The following SUMF1 variants were observed in gnomAD, a reference collection of about 807,000 sequenced individuals.
The protein encoded by SUMF1 is sulfatase modifying factor 1, also known as formylglycine-generating enzyme.
Under a neutral mutation model 47.6 loss-of-function variants are expected in SUMF1, and 48 were observed. The observed-to-expected ratio is 1.01, with a 90% CI of 0.80 to 1.28. SUMF1 has a LOEUF of 1.28. Among genes scored for constraint, SUMF1 ranks in the 50% most tolerant of loss-of-function variants. The pLI, the probability that SUMF1 is intolerant of heterozygous loss-of-function variation, is 0.00. For synonymous variants in SUMF1, 230 were observed against 192.1 expected (o/e 1.20, Z -1.63); for missense variants, 571 against 485.4 (o/e 1.18, Z -1.66).
At chr3:4,359,894 G>A (rs187382681), downstream of SUMF1, among the ~76,000 whole-genome samples, 36 of 152,152 alleles carry the variant, frequency 2.4e-4, no homozygotes, top group East Asian at 5.2e-3. Flanking sequence ...CTCTCGCCTC[G>A]ACTTCCCAAA....
chr3:4,105,405 G>A (rs1025393446), intron 8 of SUMF1, among the ~76,000 whole-genome samples: 3 of 152,074 alleles, frequency 2.0e-5, no homozygotes, highest in Non-Finnish European at 4.4e-5. Context: ...TTTCTGCAGT[G>A]AGCCTGACTA....
rs1702832870 is a variant in SUMF1 at position 4,447,819 on chromosome 3, C to T, written c.519+1447G>A. ...ACAAGCACACACACTTTACTATGTA[C>T]TCAACAGGCACCTTCACAGCCTAGC... is the stretch of plus-strand genomic sequence containing the variant. On this transcript the variant is annotated intron_variant, in intron 3 of 8. Coordinates refer to ENST00000272902, the MANE Select transcript of SUMF1 (RefSeq NM_182760.4). 2.0e-5 allele frequency among the ~76,000 whole-genome samples: 3 copies of T among 152,178 alleles called. 1 individual carries two copies. The South Asian group carries it at 6.2e-4, about 31-fold the overall frequency.
rs560996712 is a variant in SUMF1, at chr3:4,094,677, T to C, written c.1015-25932A>G. The stretch of plus-strand genomic sequence containing the variant: ...ATAAATTATGCAATTGCCCTAGTTA[T>C]GGTGAAGGGGTGCCAGCCTGTGCTC... On this transcript the variant is annotated intron_variant and NMD_transcript_variant, in intron 8 of 12. Transcript: ENST00000448413. Among the ~76,000 whole-genome samples, 4 of 152,200 alleles carry C rather than the reference T, an allele frequency of 2.6e-5. No individual in the cohort carries two copies. In the South Asian group the frequency reaches 8.3e-4, roughly 32 times the overall value.
chr3:4,081,445 G>T (rs1212667264), intron 8 of SUMF1, among the ~76,000 whole-genome samples: 1 of 152,080 alleles, frequency 6.6e-6, no homozygotes, highest in African/African-American at 2.4e-5. Flanking sequence ...TAATTGAGTT[G>T]AATTCATTCA....
intron 8 of SUMF1, among the ~76,000 whole-genome samples, chr3:4,144,112 G>C (rs1694139864): frequency 6.6e-6 from 1 of 151,028 alleles, no homozygotes. Context: ...ACCACAAGTA[G>C]GCACCACCAT....
chr3:4,325,917 G>A (rs1268127047), intron 8 of SUMF1, among the ~76,000 whole-genome samples: 3 of 152,114 alleles, frequency 2.0e-5, no homozygotes, highest in Non-Finnish European at 2.9e-5. Flanking sequence ...CTCCTCCTGG[G>A]TTCAAGCAAT....
chr3:4,130,995 C>T (rs951333576), intron 8 of SUMF1, among the ~76,000 whole-genome samples: 2 of 152,138 alleles, frequency 1.3e-5, no homozygotes, highest in Non-Finnish European at 2.9e-5. Flanking sequence ...TGAATCACTG[C>T]AGAGCCCTGT....
chr3:4,313,844 A>AT, intron 8 of SUMF1: 1 of 1,584,362 alleles, frequency 6.3e-7, no homozygotes, highest in Non-Finnish European at 8.6e-7. Flanking sequence ...GCCTAGTTAC[A>AT]TAAGTTTAAC....
chr3:4,195,678 C>T (rs1421269955), intron 8 of SUMF1, among the ~76,000 whole-genome samples: 1 of 152,032 alleles, frequency 6.6e-6, no homozygotes, highest in East Asian at 1.9e-4. Flanking sequence ...GCTGAATATT[C>T]AAAAAGCAGA....
intron 8 of SUMF1, among the ~76,000 whole-genome samples, chr3:4,260,618 C>A (rs1697065485): frequency 6.6e-6 from 1 of 152,018 alleles, no homozygotes; most frequent in African/African-American, 2.4e-5. Context: ...ACCTGTGGTC[C>A]CAGCTACTCA....
At chr3:4,132,833 G>C (rs1322309286) in intron 8 of SUMF1, among the ~76,000 whole-genome samples, 3 of 152,160 alleles carry the variant, frequency 2.0e-5, no homozygotes, top group East Asian at 3.8e-4. Context: ...GTAAGGAAGA[G>C]TATGCATGGA....
chr3:4,117,088 G>A (rs778863871), intron 8 of SUMF1, among the ~76,000 whole-genome samples: 3 of 152,172 alleles, frequency 2.0e-5, no homozygotes, highest in East Asian at 3.8e-4. Flanking sequence ...TTATAGAAGT[G>A]TAGATAATGT....
At chr3:4,041,230 C>A (rs141270768) in intron 9 of SUMF1, among the ~76,000 whole-genome samples, 1 of 152,106 alleles carries the variant, frequency 6.6e-6, no homozygotes, top group Non-Finnish European at 1.5e-5. Context: ...CACCACCATG[C>A]CCAGGTAATT....
intron 8 of SUMF1, among the ~76,000 whole-genome samples, chr3:4,260,403 T>C (rs932990048): frequency 1.2e-4 from 18 of 152,182 alleles, no homozygotes; most frequent in Non-Finnish European, 5.9e-5. Flanking sequence ...TCTGTGTCTT[T>C]ATGTGAAATT....
intron 7 of SUMF1, among the ~76,000 whole-genome samples, chr3:4,409,003 TA>T (rs929580461): frequency 1.1e-4 from 17 of 152,268 alleles, no homozygotes; most frequent in African/African-American, 3.4e-4. Flanking sequence ...ATTAAGTTTT[TA>T]AAAAATATTT....
At chr3:4,410,325 C>T (rs1042808921) in intron 7 of SUMF1, among the ~76,000 whole-genome samples, 1 of 152,120 alleles carries the variant, frequency 6.6e-6, no homozygotes, top group Non-Finnish European at 1.5e-5. Context: ...GCCTTCTGTT[C>T]CTAAGTTATA....
chr3:4,099,810 C>G (rs1228092218), intron 8 of SUMF1, among the ~76,000 whole-genome samples: 1 of 151,434 alleles, frequency 6.6e-6, no homozygotes, highest in Admixed American at 6.6e-5. Flanking sequence ...ATACACTAAC[C>G]ACAAACTGTC....
intron 8 of SUMF1, among the ~76,000 whole-genome samples, chr3:4,084,704 T>C (rs992922397): frequency 1.3e-5 from 2 of 152,154 alleles, no homozygotes; most frequent in Admixed American, 6.5e-5. Flanking sequence ...ACTTTGTAAA[T>C]TGGGAAGATA....
intron 8 of SUMF1, among the ~76,000 whole-genome samples, chr3:4,368,833 G>A (rs1300067012): frequency 6.6e-6 from 1 of 152,114 alleles, no homozygotes; most frequent in African/African-American, 2.4e-5. Context: ...AAACTCTTGT[G>A]CCCTAGGATT....
Sources: gnomAD v4.1 joint callset for allele counts (sites outside exome capture counted in the v4.1 genomes callset) on GRCh38, gnomAD v4.1.1 for gene constraint, MANE v1.5 for transcripts, NCBI Gene and HGNC (gene_info 2026-07-23, HGNC 2026-07-21) for gene names.